ARHGAP6: variants seen among roughly 807,000 people sequenced by gnomAD.
ARHGAP6 encodes rho GTPase-activating protein 6.
In ARHGAP6, 16 loss-of-function variants were observed where a neutral mutation model predicts 55.7. The observed-to-expected ratio is 0.29, with a 90% CI of 0.19 to 0.44. The LOEUF is 0.44. Among genes scored for constraint, ARHGAP6 ranks in the 20% least tolerant of loss-of-function variants. ARHGAP6 has a pLI of 1.00. For synonymous variants in ARHGAP6, 382 were observed against 360.9 expected (o/e 1.06, Z -0.66); for missense variants, 698 against 808.9 (o/e 0.86, Z 1.66).
chrX:11,228,138 G>C (rs1040706440), intron 2 of ARHGAP6, among the ~76,000 whole-genome samples: 1 of 111,286 alleles, frequency 9.0e-6, no homozygotes, highest in African/African-American at 3.3e-5. Flanking sequence ...TGAAAACCAC[G>C]TTATGTGGAC....
At chrX:11,625,863 A>C (rs932058826) in intron 1 of ARHGAP6, among the ~76,000 whole-genome samples, 4 of 111,899 alleles carry the variant, frequency 3.6e-5, no homozygotes, top group African/African-American at 1.3e-4. Flanking sequence ...AAGAGTCATT[A>C]AGTTTCCAAT....
intron 1 of ARHGAP6, among the ~76,000 whole-genome samples, chrX:11,624,345 C>G (rs781209756): frequency 8.9e-6 from 1 of 112,278 alleles, no homozygotes; most frequent in Non-Finnish European, 1.9e-5. Flanking sequence ...ACCTCAAAAA[C>G]TCAGGCAACC....
intron 1 of ARHGAP6, among the ~76,000 whole-genome samples, chrX:11,619,982 T>C (rs1392287179): frequency 8.9e-6 from 1 of 112,145 alleles, no homozygotes; most frequent in Non-Finnish European, 1.9e-5. Context: ...CAGGCTTCCT[T>C]TGCTCTGACT....
chrX:11,447,330 C>G (rs1350786459), intron 1 of ARHGAP6, among the ~76,000 whole-genome samples: 4 of 112,000 alleles, frequency 3.6e-5, no homozygotes, highest in Non-Finnish European at 5.6e-5. Context: ...TTATTGAAGC[C>G]AAAACTGAAA....
intron 1 of ARHGAP6, among the ~76,000 whole-genome samples, chrX:11,488,838 T>C (rs1430796965): frequency 3.6e-5 from 4 of 111,747 alleles, no homozygotes; most frequent in Non-Finnish European, 5.6e-5. Context: ...CCCTGGTCTG[T>C]AGGAAAATTG....
At chrX:11,364,642 G>C (rs1393253218) in intron 1 of ARHGAP6, among the ~76,000 whole-genome samples, 1 of 111,872 alleles carries the variant, frequency 8.9e-6, no homozygotes, top group African/African-American at 3.3e-5. Flanking sequence ...GAAGGGAAAT[G>C]CATATCAGAT....
intron 1 of ARHGAP6, among the ~76,000 whole-genome samples, chrX:11,340,258 C>T (rs986730620): frequency 1.8e-5 from 2 of 111,896 alleles, no homozygotes; most frequent in African/African-American, 6.5e-5. Context: ...TACAGCACCT[C>T]ATGGCATTGC....
At chrX:11,585,549 C>G (rs768389237) in intron 1 of ARHGAP6, among the ~76,000 whole-genome samples, 95 of 112,455 alleles carry the variant, frequency 8.4e-4, no homozygotes, top group Non-Finnish European at 1.2e-3. Flanking sequence ...GCTTTTTCTT[C>G]ATATGCTTGT....
At chrX:11,264,502 A>G (rs753993137) in intron 1 of ARHGAP6, among the ~76,000 whole-genome samples, 15 of 111,895 alleles carry the variant, frequency 1.3e-4, no homozygotes, top group African/African-American at 4.5e-4. Flanking sequence ...CAAAAGGTCA[A>G]TTTCATTTCT....
In ARHGAP6 at chrX:11,144,261, G is replaced by A. The variant is rs773033808; in HGVS notation, c.1908-13C>T. The A allele has an allele frequency of 1.7e-6, 2 of 1,210,577 alleles. No homozygotes were observed. Among genetic ancestry groups the A allele is most frequent in the Non-Finnish European group, 2.2e-6 (2 of 895,375 alleles). ...CATGTCAGGGCTTCTGGCACAATGA[G>A]ACAATTACAGGTGCGTGAGTTTGTT... On this transcript the variant is annotated splice_polypyrimidine_tract_variant and intron_variant, in intron 10 of 12. Transcript: ENST00000337414.
intron 8 of ARHGAP6, among the ~76,000 whole-genome samples, chrX:11,173,069 A>G (rs1435524635): frequency 8.9e-6 from 1 of 112,026 alleles, no homozygotes; most frequent in Non-Finnish European, 1.9e-5. Flanking sequence ...AGACGAGGGA[A>G]GTGATGTCCA....
intron 1 of ARHGAP6, among the ~76,000 whole-genome samples, chrX:11,347,772 C>T (rs1240075185): frequency 8.9e-6 from 1 of 111,774 alleles, no homozygotes; most frequent in Non-Finnish European, 1.9e-5. Flanking sequence ...TTCCACTCCA[C>T]GCCATTCAAC....
intron 1 of ARHGAP6, among the ~76,000 whole-genome samples, chrX:11,351,047 TACACACACACACACAC>T (rs35026703): frequency 2.0e-4 from 18 of 87,967 alleles, no homozygotes; most frequent in Middle Eastern, 0.011. Context: ...ATATTCAAAT[TACACACACACACACAC>T]ACACACACAC....
At chrX:11,451,439 T>C (rs960647896) in intron 1 of ARHGAP6, among the ~76,000 whole-genome samples, 1 of 112,126 alleles carries the variant, frequency 8.9e-6, no homozygotes, top group Non-Finnish European at 1.9e-5. Context: ...CACAGAACAA[T>C]CAGTCCACTC....
At chrX:11,269,228 C>G (rs763429370) in intron 1 of ARHGAP6, among the ~76,000 whole-genome samples, 1 of 111,506 alleles carries the variant, frequency 9.0e-6, no homozygotes, top group East Asian at 2.8e-4. Context: ...GGAGCCCTTG[C>G]GCTTGAAACT....
chrX:11,213,548 T>G (rs748838820), intron 2 of ARHGAP6, among the ~76,000 whole-genome samples: 1 of 112,851 alleles, frequency 8.9e-6, no homozygotes, highest in Non-Finnish European at 1.9e-5. Flanking sequence ...GTGGTTTATA[T>G]GTAAAATGGA....
chrX:11,550,127 T>G (rs1440634248), intron 1 of ARHGAP6, among the ~76,000 whole-genome samples: 1 of 112,010 alleles, frequency 8.9e-6, no homozygotes, highest in Non-Finnish European at 1.9e-5. Flanking sequence ...GACTTCAATA[T>G]GCAGAGAAAA....
chrX:11,174,675 CT>C (rs1412188609), intron 8 of ARHGAP6, among the ~76,000 whole-genome samples: 3 of 78,078 alleles, frequency 3.8e-5, no homozygotes, highest in Admixed American at 1.5e-4. Flanking sequence ...TTCTTTCTTT[CT>C]TTCTTTCTTT....
intron 1 of ARHGAP6, among the ~76,000 whole-genome samples, chrX:11,605,866 T>C (rs2052030469): frequency 9.2e-6 from 1 of 108,503 alleles, no homozygotes; most frequent in Non-Finnish European, 1.9e-5. Context: ...GGTAGAAAGG[T>C]GAACTGAAAA....
Sources: allele counts gnomAD v4.1 joint callset (sites outside exome capture counted in the v4.1 genomes callset), GRCh38; gene constraint gnomAD v4.1.1; transcripts MANE v1.5; gene names NCBI Gene and HGNC (gene_info 2026-07-23, HGNC 2026-07-21).